The following PSMD1 variants were observed in gnomAD, a reference collection of about 807,000 sequenced individuals.
PSMD1 encodes 26S proteasome non-ATPase regulatory subunit 1.
In PSMD1, 18 loss-of-function variants were observed where a neutral mutation model predicts 119.0. The observed-to-expected ratio is 0.15, with a 90% confidence interval of 0.10 to 0.22. PSMD1 has a LOEUF of 0.22. PSMD1 is among the 10% of genes least tolerant of loss of function. The pLI is 1.00. For synonymous variants in PSMD1, 374 were observed against 396.6 expected (o/e 0.94, Z 0.68); for missense variants, 702 against 1,158.5 (o/e 0.61, Z 5.72).
At chr2:231,069,285 C>G (rs919252957) in intron 5 of PSMD1, among the ~76,000 whole-genome samples, 5 of 150,678 alleles carry the variant, frequency 3.3e-5, no homozygotes, top group African/African-American at 1.2e-4. Flanking sequence ...CTAATACCTA[C>G]TCTTACTACT....
chr2:231,118,762 A>G (rs548994275), intron 16 of PSMD1, among the ~76,000 whole-genome samples: 1 of 152,324 alleles, frequency 6.6e-6, no homozygotes, highest in South Asian at 2.1e-4. Context: ...GCATCAGTCC[A>G]TAAATCTGGG....
chr2:231,059,223 A>G lies in PSMD1; in HGVS notation c.17-2044A>G, dbSNP rs192387311. On this transcript the variant is annotated intron_variant, in intron 1 of 24. Transcript: ENST00000308696. ...AGATTCTGTGATGATCATATAGTGT[A>G]TATTTATTACTGCCATTTAAGTTTA... 1.2e-3 allele frequency among the ~76,000 whole-genome samples: 183 copies of G among 152,288 alleles called. 1 individual carries two copies. Among genetic ancestry groups the G allele is most frequent in the African/African-American group, 4.0e-3 (165 of 41,562 alleles).
intron 16 of PSMD1, among the ~76,000 whole-genome samples, chr2:231,119,810 C>G (rs550387742): frequency 7.6e-6 from 1 of 132,300 alleles, no homozygotes; most frequent in African/African-American, 2.9e-5. Context: ...GTGGAGGTTG[C>G]AGTGAACTGA....
intron 4 of PSMD1, among the ~76,000 whole-genome samples, chr2:231,064,485 T>C (rs891885263): frequency 1.3e-5 from 2 of 152,230 alleles, no homozygotes; most frequent in African/African-American, 4.8e-5. Flanking sequence ...CCTTCAGTTA[T>C]ATAATCTAAG....
chr2:231,118,647 C>T (rs2125223857), intron 16 of PSMD1, among the ~76,000 whole-genome samples: 1 of 151,990 alleles, frequency 6.6e-6, no homozygotes, highest in Non-Finnish European at 1.5e-5. Flanking sequence ...ACTAGAAACC[C>T]CGTATCTTGA....
At chr2:231,140,901 G>GCTTA (rs1009699763) in intron 17 of PSMD1, among the ~76,000 whole-genome samples, 1 of 152,028 alleles carries the variant, frequency 6.6e-6, no homozygotes, top group African/African-American at 2.4e-5. Flanking sequence ...AGGTGTGGTG[G>GCTTA]CTTACACCTG....
intron 17 of PSMD1, among the ~76,000 whole-genome samples, chr2:231,145,642 G>A (rs566474596): frequency 5.3e-5 from 8 of 151,566 alleles, no homozygotes; most frequent in Admixed American, 2.0e-4. Flanking sequence ...GCCTATAATC[G>A]CAGCACTTTG....
chr2:231,106,438 C>T (rs149417002), intron 16 of PSMD1, among the ~76,000 whole-genome samples: 59 of 152,094 alleles, frequency 3.9e-4, no homozygotes, highest in Non-Finnish European at 6.8e-4. Context: ...ACCAACACAG[C>T]GAAACCCCAT....
At chr2:231,118,834 T>C (rs560581127) in intron 16 of PSMD1, among the ~76,000 whole-genome samples, 2 of 152,352 alleles carry the variant, frequency 1.3e-5, no homozygotes, top group South Asian at 4.1e-4. Flanking sequence ...CCAAGTGGGC[T>C]GTTCCTATAG....
At chr2:231,070,573 A>C (rs1171641922) in intron 6 of PSMD1, among the ~76,000 whole-genome samples, 4 of 152,092 alleles carry the variant, frequency 2.6e-5, no homozygotes, top group African/African-American at 9.7e-5. Flanking sequence ...ACACCAAAAC[A>C]TTTGGGTATC....
chr2:231,117,877 A>C (rs1695397492), intron 16 of PSMD1, among the ~76,000 whole-genome samples: 1 of 152,122 alleles, frequency 6.6e-6, no homozygotes, highest in African/African-American at 2.4e-5. Context: ...GGGGGGAAAA[A>C]ATTCTGTGAT....
chr2:231,112,242 A>C (rs1574739354), intron 16 of PSMD1, among the ~76,000 whole-genome samples: 1 of 152,180 alleles, frequency 6.6e-6, no homozygotes, highest in East Asian at 1.9e-4. Context: ...ACTTTATTAT[A>C]GTTTTCCTCC....
intron 16 of PSMD1, among the ~76,000 whole-genome samples, chr2:231,124,298 G>C (rs1695661675): frequency 6.6e-6 from 1 of 152,140 alleles, no homozygotes; most frequent in African/African-American, 2.4e-5. Flanking sequence ...TAATGAAACA[G>C]AAGACACATT....
chr2:231,073,186 G>A (rs1346188533), intron 7 of PSMD1, among the ~76,000 whole-genome samples: 2 of 152,114 alleles, frequency 1.3e-5, no homozygotes, highest in African/African-American at 2.4e-5. Context: ...ATATGGGTGT[G>A]GTTCGTGGTG....
intron 17 of PSMD1, among the ~76,000 whole-genome samples, chr2:231,143,975 A>G (rs1056643140): frequency 6.6e-6 from 1 of 152,146 alleles, no homozygotes; most frequent in African/African-American, 2.4e-5. Context: ...TGTTTGGAAA[A>G]TTTTGGGTTT....
chr2:231,080,267 G>A lies in PSMD1; in HGVS notation c.1366G>A (p.Asp456Asn). The A allele has an allele frequency of 6.2e-7, 1 of 1,612,928 alleles. No individual in the cohort carries two copies. Residue 456 changes from aspartate (D) to asparagine (N), a missense_variant, in exon 12 of 25, where the codon GAT (aspartate) becomes AAT (asparagine). Coordinates refer to ENST00000308696, the MANE Select transcript of PSMD1 (RefSeq NM_002807.4). ...TCTTATTCATGCCAATCATGGTGGT[G>A]ATATAATTGACTATCTGCTTAATCA... ...LGLIHANHGG[D>N]IIDYLLNQLK...
rs76340100 is a variant in PSMD1 at position 231,168,361 on chromosome 2, G to A, written c.2716-2205G>A. Among the ~76,000 whole-genome samples, 1,164 of 152,194 alleles carry A rather than the reference G, an allele frequency of 7.6e-3. 13 individuals are homozygous for A. The highest frequency in any genetic ancestry group is 0.026 in the African/African-American group (1,091 of 41,518). On this transcript the variant is annotated intron_variant, in intron 23 of 24. Transcript: ENST00000308696. ...CCCACACAAAAGCTTACACACTAAC[G>A]CTCATATCAGCATGATTCATAATAG...
intron 16 of PSMD1, 107 bp from the exon 17 acceptor site, chr2:231,138,629 C>A: frequency 1.4e-6 from 1 of 727,050 alleles, no homozygotes; most frequent in Non-Finnish European, 2.4e-6. Flanking sequence ...GTTTTAAATG[C>A]TCATTGTTTC....
At chr2:231,122,529 G>T (rs1228051403) in intron 16 of PSMD1, among the ~76,000 whole-genome samples, 2 of 152,084 alleles carry the variant, frequency 1.3e-5, no homozygotes, top group Non-Finnish European at 2.9e-5. Context: ...TTTATACCAA[G>T]CATTGAATAA....
Sources: gnomAD v4.1 joint callset for allele counts (sites outside exome capture counted in the v4.1 genomes callset) on GRCh38, gnomAD v4.1.1 for gene constraint, MANE v1.5 for transcripts, NCBI Gene and HGNC (gene_info 2026-07-23, HGNC 2026-07-21) for gene names.